ADAMDEC1: variants seen among roughly 807,000 people sequenced by gnomAD.
ADAMDEC1 encodes ADAM DEC1.
A neutral mutation model predicts 60.4 loss-of-function variants in ADAMDEC1; 62 were observed. The ratio of observed to expected loss-of-function variants is 1.03; its 90% CI spans 0.84 to 1.27. The LOEUF (loss-of-function observed/expected upper bound fraction) is 1.27, where lower values mean the gene tolerates loss of function less well. Ranked by LOEUF, ADAMDEC1 falls within the 50% of genes most tolerant of loss-of-function variation. ADAMDEC1 has a pLI of 0.00. For missense variants in ADAMDEC1, 595 were observed against 565.0 expected (o/e 1.05, Z -0.54); for synonymous variants, 210 against 195.1 (o/e 1.08, Z -0.64).
intron 7 of ADAMDEC1, among the ~76,000 whole-genome samples, 175 bp downstream of exon 7, chr8:24,397,920 C>T (rs1322029709): frequency 6.6e-6 from 1 of 152,010 alleles, no homozygotes; most frequent in Non-Finnish European, 1.5e-5. Flanking sequence ...CCTTTAATAT[C>T]CATCTGCCAC....
chr8:24,397,796 T>G (rs1287870815), intron 7 of ADAMDEC1, 51 bp downstream of exon 7: 1 of 1,542,922 alleles, frequency 6.5e-7, no homozygotes, highest in African/African-American at 1.4e-5. Flanking sequence ...CCCTTTAAGT[T>G]TACTTATCAA....
Position 24,395,776 on chromosome 8 carries a change from C to A in ADAMDEC1, c.420C>A (p.Ile140=). 6.2e-7 allele frequency: 1 copy of A among 1,613,488 alleles called. No individual in the cohort carries two copies. Among genetic ancestry groups the A allele is most frequent in the Non-Finnish European group, 8.5e-7 (1 of 1,179,706 alleles). The change falls in exon 5 of 14, where the codon ATC becomes ATA. Residue 140 remains isoleucine, a synonymous_variant. Coordinates refer to ENST00000256412, the MANE Select transcript of ADAMDEC1 (RefSeq NM_014479.3). ...ATGAAAAGAATTCTGTTGCCAGCAT[C>A]AGTACTTGTGACGGGTTGAGGTAAG... is the stretch of plus-strand genomic sequence containing the variant. The part of the protein sequence containing the change: ...ILNEKNSVAS[I]STCDGLRGYF...
chr8:24,401,946 T>C lies in ADAMDEC1; in HGVS notation c.1174T>C (p.Cys392Arg). 6.2e-7 allele frequency: 1 copy of C among 1,612,220 alleles called. No homozygotes were observed. Among genetic ancestry groups the C allele is most frequent in the South Asian group, 1.1e-5 (1 of 90,976 alleles). Reference sequence around the variant, plus strand: ...ATTCCCAAAGGATTTCAGTACATCTTGCCGTGCACATTTTGAAAGATACCT... The same window carrying C: ...ATTCCCAAAGGATTTCAGTACATCTCGCCGTGCACATTTTGAAAGATACCT... ...SKFPKDFSTSCRAHFERYLLS... is the reference protein window; with the variant it reads ...SKFPKDFSTSRRAHFERYLLS... The change falls in exon 12 of 14, where the codon TGC becomes CGC. Residue 392 changes from cysteine to arginine, a missense_variant. Cys to Arg is a radical substitution (Grantham distance 180). Transcript: ENST00000256412.
At position 24,405,402 on chromosome 8, in the gene ADAMDEC1, C is replaced by G. The variant is rs1055507885; in HGVS notation, c.*104C>G. ...AATTTTCACCCATAATGGTCTTTCA[C>G]TTGTCATTCTACTTTCTATATTGTT... On this transcript the variant is annotated 3_prime_UTR_variant, in exon 14 of 14. Transcript: ENST00000256412. 4 of 1,287,928 alleles carry G rather than the reference C, an allele frequency of 3.1e-6. No homozygotes were observed. In the Admixed American group the frequency reaches 5.7e-5, roughly 18 times the overall value. 79.8% of individuals were successfully genotyped at this position (1,287,928 alleles called of 1,614,324 possible). A position where few individuals can be genotyped will look rare whatever the true frequency, so the allele number is the denominator to read the frequency against.
At chr8:24,389,493 A>G (rs1382896804) in intron 1 of ADAMDEC1, among the ~76,000 whole-genome samples, 2 of 152,076 alleles carry the variant, frequency 1.3e-5, no homozygotes, top group Non-Finnish European at 2.9e-5. Flanking sequence ...CTCCTAAATG[A>G]GCTCTCTGAT....
chr8:24,402,504 A>G (rs1817791024), intron 12 of ADAMDEC1, among the ~76,000 whole-genome samples: 1 of 152,154 alleles, frequency 6.6e-6, no homozygotes, highest in African/African-American at 2.4e-5. Flanking sequence ...TTGTAAACAG[A>G]GAAGAAAGAG....
intron 11 of ADAMDEC1, among the ~76,000 whole-genome samples, 188 bp from the exon 12 acceptor site, chr8:24,401,727 G>C (rs1817769962): frequency 6.6e-6 from 1 of 152,152 alleles, no homozygotes; most frequent in Non-Finnish European, 1.5e-5. Flanking sequence ...ACCATAGTAT[G>C]CATGCTCTAC....
chr8:24,402,875 TGTTA>T (rs972027556), intron 12 of ADAMDEC1, among the ~76,000 whole-genome samples: 1 of 152,192 alleles, frequency 6.6e-6, no homozygotes, highest in African/African-American at 2.4e-5. Context: ...GTAAACTTTC[TGTTA>T]ATTATAAAGA....
intron 5 of ADAMDEC1, among the ~76,000 whole-genome samples, chr8:24,396,305 T>C (rs1375603999): frequency 6.6e-6 from 1 of 152,108 alleles, no homozygotes; most frequent in Non-Finnish European, 1.5e-5. Context: ...GGTCAGAAGA[T>C]TGAGACCATC....
chr8:24,393,008 A>G (rs955517496), intron 2 of ADAMDEC1, among the ~76,000 whole-genome samples: 2 of 150,400 alleles, frequency 1.3e-5, no homozygotes, highest in African/African-American at 4.9e-5. Context: ...TATACTGTAC[A>G]TTAGGGCAAA....
intron 1 of ADAMDEC1, among the ~76,000 whole-genome samples, chr8:24,385,422 A>G (rs918311439): frequency 2.6e-5 from 4 of 152,134 alleles, no homozygotes; most frequent in African/African-American, 9.7e-5. Context: ...TACCCAAAAG[A>G]AGGATAAAAT....
intron 12 of ADAMDEC1, among the ~76,000 whole-genome samples, chr8:24,402,974 T>C (rs151227243): frequency 1.2e-4 from 19 of 152,254 alleles, no homozygotes; most frequent in African/African-American, 4.3e-4. Context: ...CATTCATCTA[T>C]GGTTTCTTGG....
In ADAMDEC1 at chr8:24,402,053, T is replaced by C. The variant is rs1817779529; in HGVS notation, c.1281T>C (p.Leu427=). 1 of 1,612,792 alleles carries C rather than the reference T, an allele frequency of 6.2e-7. No homozygotes were observed. ...IMTTPVCGNH[L]LEVGEDCDCG... is the part of the protein sequence containing the mutation. ...CAACACCAGTGTGTGGGAACCACCT[T>C]CTAGAAGTGGGAGAAGACTGTGATT... Residue 427 remains leucine (L), a synonymous_variant, in exon 12 of 14, where the codon CTT becomes CTC. Transcript: ENST00000256412.
In ADAMDEC1 at chr8:24,398,541, T is replaced by C; in HGVS notation, c.752T>C (p.Leu251Pro). The change falls in exon 8 of 14, where the codon CTA (leucine) becomes CCA (proline). Residue 251 changes from leucine (L) to proline (P), a missense_variant. Coordinates refer to ENST00000256412, the MANE Select transcript of ADAMDEC1 (RefSeq NM_014479.3). ...AGCTTTGTGTTTGATGTGATGAACCTACTCAATGTGGTAAGACATTAGTCA... is the reference window on the plus strand; with the variant it reads ...AGCTTTGTGTTTGATGTGATGAACCCACTCAATGTGGTAAGACATTAGTCA... ...IRSFVFDVMN[L>P]LNVIYNTIDV... 1 of 1,599,960 alleles carries C rather than the reference T, an allele frequency of 6.3e-7. No individual in the cohort carries two copies. The highest frequency in any genetic ancestry group is 8.5e-7 in the Non-Finnish European group (1 of 1,170,514).
chr8:24,384,407 C>G lies in ADAMDEC1; in HGVS notation c.-98C>G. On this transcript the variant is annotated 5_prime_UTR_variant, in exon 1 of 14. Transcript: ENST00000256412. ...TCCCAACACTCTTAAGAAACATTCC[C>G]CAATCTCACACGAAAAGTGGGGGTT... 3.1e-6 allele frequency: 3 copies of G among 962,626 alleles called. No homozygotes were observed. The highest frequency in any genetic ancestry group is 4.5e-6 in the Non-Finnish European group (3 of 661,930). The allele number at this position is 962,626 out of a possible 1,614,324, so 59.6% of individuals were successfully genotyped here. A position where few individuals can be genotyped will look rare whatever the true frequency, so the allele number is the denominator to read the frequency against.
chr8:24,401,829 CTCGTG>C (rs1817772749), intron 11 of ADAMDEC1, 81 bp from the exon 12 acceptor site: 14 of 1,163,776 alleles, frequency 1.2e-5, no homozygotes, highest in Non-Finnish European at 1.6e-5. Context: ...AAATCAGAGT[CTCGTG>C]TTTCTTTATC....
intron 4 of ADAMDEC1, among the ~76,000 whole-genome samples, 157 bp downstream of exon 4, chr8:24,394,304 C>T (rs1817549472): frequency 6.6e-6 from 1 of 152,138 alleles, no homozygotes; most frequent in Admixed American, 6.5e-5. Flanking sequence ...AAGCAAGTTG[C>T]TTATCTATGA....
At chr8:24,398,121 T>C (rs1032392188) in intron 7 of ADAMDEC1, among the ~76,000 whole-genome samples, 1 of 151,256 alleles carries the variant, frequency 6.6e-6, no homozygotes, top group African/African-American at 2.4e-5. Flanking sequence ...TTAGAAACTA[T>C]ATTGATAGAT....
chr8:24,386,421 A>C (rs1214315356), intron 1 of ADAMDEC1, among the ~76,000 whole-genome samples: 1 of 152,216 alleles, frequency 6.6e-6, no homozygotes, highest in East Asian at 1.9e-4. Flanking sequence ...GAACTTCAGC[A>C]TTACATTTGT....
Sources: allele counts gnomAD v4.1 joint callset (sites outside exome capture counted in the v4.1 genomes callset), GRCh38; gene constraint gnomAD v4.1.1; transcripts MANE v1.5; gene names NCBI Gene and HGNC (gene_info 2026-07-23, HGNC 2026-07-21).